SUN1: variants seen among roughly 807,000 people sequenced by gnomAD.
SUN1 encodes Sad1 and UNC84 domain containing 1.
A neutral mutation model predicts 103.2 loss-of-function variants in SUN1; 61 were observed. The ratio of observed to expected loss-of-function variants is 0.59; its 90% CI spans 0.48 to 0.73. The LOEUF is 0.73. Among genes scored for constraint, SUN1 ranks in the 30% least tolerant of loss-of-function variants. The pLI is 0.00. For missense variants in SUN1, 1,052 were observed against 1,034.6 expected, an observed-to-expected ratio of 1.02 and a Z score of -0.23; for synonymous variants, 490 against 425.7, an observed-to-expected ratio of 1.15 and a Z score of -1.86.
intron 1 of SUN1, among the ~76,000 whole-genome samples, chr7:819,403 T>G (rs1383605308): frequency 6.6e-6 from 1 of 152,198 alleles, no homozygotes; most frequent in Non-Finnish European, 1.5e-5. Flanking sequence ...ATGTCATACC[T>G]AAGAACTCTG....
rs923598582 is a variant in SUN1 at position 873,404 on chromosome 7, C to T, written c.*73C>T. The T allele has an allele frequency of 6.0e-6, 8 of 1,333,922 alleles. No individual in the cohort carries two copies. Among genetic ancestry groups the T allele is most frequent in the Non-Finnish European group, 6.4e-6 (6 of 930,270 alleles). The allele number at this position is 1,333,922 out of a possible 1,614,324, so 82.6% of individuals were successfully genotyped here. A position where few individuals can be genotyped will look rare whatever the true frequency, so the allele number is the denominator to read the frequency against. On this transcript the variant is annotated 3_prime_UTR_variant, in exon 19 of 19. Coordinates refer to ENST00000401592, the MANE Select transcript of SUN1 (RefSeq NM_001130965.3). ...GTGAAACACTGGAATCCTTCATGGACGAGGGCATATACAATGATGGGACAG... is the reference window on the plus strand; with the variant it reads ...GTGAAACACTGGAATCCTTCATGGATGAGGGCATATACAATGATGGGACAG...
chr7:874,754 T>C lies in SUN1; in HGVS notation c.*1423T>C, dbSNP rs1195365267. The C allele has an allele frequency of 6.6e-6, 1 of 152,262 alleles. No homozygotes were observed. The highest frequency in any genetic ancestry group is 1.5e-5 in the Non-Finnish European group (1 of 68,044). The allele number at this position is 152,262 out of a possible 1,614,324, so 9.4% of individuals were successfully genotyped here. A position where few individuals can be genotyped will look rare whatever the true frequency, so the allele number is the denominator to read the frequency against. On this transcript the variant is annotated 3_prime_UTR_variant, in exon 19 of 19. Coordinates refer to ENST00000401592, the MANE Select transcript of SUN1 (RefSeq NM_001130965.3). ...TGGAAATATTTTGAATATTAATTTA[T>C]TTTTAAAGATGCAAGATAGGACTTT... is the stretch of plus-strand genomic sequence containing the variant.
intron 2 of SUN1, 124 bp downstream of exon 2, chr7:839,110 T>G (rs1019898631): frequency 3.4e-5 from 32 of 940,388 alleles, no homozygotes; most frequent in Non-Finnish European, 4.7e-5. Context: ...TGTATGTGCG[T>G]GTACAGACAC....
chr7:863,292 G>GCGCGC (rs1562793784), intron 15 of SUN1, among the ~76,000 whole-genome samples: 2 of 149,466 alleles, frequency 1.3e-5, no homozygotes, highest in Non-Finnish European at 3.0e-5. Context: ...GCCCTCCCGA[G>GCGCGC]CTCGCCCTTG....
intron 14 of SUN1, 66 bp downstream of exon 14, chr7:860,448 C>T (rs1831306169): frequency 6.3e-7 from 1 of 1,580,874 alleles, no homozygotes; most frequent in East Asian, 2.2e-5. Flanking sequence ...GAAGACCTAG[C>T]TGTGAGGTGT....
chr7:819,192 CTTTTT>C (rs57527104), intron 1 of SUN1, among the ~76,000 whole-genome samples: 1 of 138,774 alleles, frequency 7.2e-6, no homozygotes, highest in African/African-American at 2.7e-5. Flanking sequence ...TGGGTTGCCT[CTTTTT>C]TTTTTTTTTT....
chr7:868,134 C>T (rs2128532903), intron 16 of SUN1, among the ~76,000 whole-genome samples: 1 of 152,332 alleles, frequency 6.6e-6, no homozygotes, highest in East Asian at 1.9e-4. Context: ...CATCGTTCAC[C>T]ATCTCTTCTA....
intron 5 of SUN1, chr7:849,897 C>G: frequency 6.3e-7 from 1 of 1,580,688 alleles, no homozygotes; most frequent in Non-Finnish European, 8.6e-7. Flanking sequence ...ATCCGCCACA[C>G]TCACTGCCTG....
In SUN1 at chr7:868,949, G is replaced by A. The variant is rs112484929; in HGVS notation, c.1981-400G>A. On this transcript the variant is annotated intron_variant, in intron 16 of 18. Coordinates refer to ENST00000401592, the MANE Select transcript of SUN1 (RefSeq NM_001130965.3). Reference sequence around the variant, plus strand: ...TGGTTCCCTGTGGTGTTGGTCGGATGGGGGGACAGTGCTGGTTCCCTGTGG... The same window carrying A: ...TGGTTCCCTGTGGTGTTGGTCGGATAGGGGGACAGTGCTGGTTCCCTGTGG... 4.8e-5 allele frequency: 9 copies of A among 186,172 alleles called. 1 individual carries two copies. Among genetic ancestry groups the A allele is most frequent in the African/African-American group, 3.2e-4 (9 of 28,286 alleles). The allele number at this position is 186,172 out of a possible 1,614,324, so 11.5% of individuals were successfully genotyped here.
intron 13 of SUN1, among the ~76,000 whole-genome samples, chr7:858,866 T>G (rs999835507): frequency 1.3e-5 from 2 of 152,074 alleles, no homozygotes; most frequent in Admixed American, 6.6e-5. Flanking sequence ...AGAGAAAGCA[T>G]GCGATAGGCC....
At chr7:830,961 C>T, upstream of SUN1, 13 of 985,528 alleles carry the variant, frequency 1.3e-5, no homozygotes, top group Non-Finnish European at 1.6e-5. Flanking sequence ...GGAGCCCAGG[C>T]ATGGTGTATA....
intron 17 of SUN1, among the ~76,000 whole-genome samples, chr7:870,215 A>AC (rs1840491757): frequency 6.6e-6 from 1 of 151,002 alleles, no homozygotes; most frequent in South Asian, 2.1e-4. Context: ...TAAAAAAAAA[A>AC]AAAAAAAATT....
At chr7:834,983 G>C (rs1198178762) in intron 1 of SUN1, among the ~76,000 whole-genome samples, 1 of 152,232 alleles carries the variant, frequency 6.6e-6, no homozygotes, top group Non-Finnish European at 1.5e-5. Flanking sequence ...GGCTGAGGCA[G>C]GAGAATCGCT....
At position 855,868 on chromosome 7, in the gene SUN1, G is replaced by C. The variant is rs117238317; in HGVS notation, c.1351-490G>C. ...GAGGGTCCGCGGGGCGCCTCCTCCT[G>C]TGTCCGCCCGAGAAGGTCTGTGGGG... On this transcript the variant is annotated intron_variant, in intron 11 of 18. Coordinates refer to ENST00000401592, the MANE Select transcript of SUN1 (RefSeq NM_001130965.3). Among the ~76,000 whole-genome samples, 1,403 of 151,872 alleles carry C rather than the reference G, an allele frequency of 9.2e-3. 117 individuals are homozygous for C. In the East Asian group the frequency reaches 0.19, roughly 21 times the overall value.
intron 13 of SUN1, among the ~76,000 whole-genome samples, chr7:858,595 G>A (rs1829660395): frequency 6.6e-6 from 1 of 152,150 alleles, no homozygotes; most frequent in Non-Finnish European, 1.5e-5. Flanking sequence ...CCTTTCATTA[G>A]ATAGACCCAC....
chr7:816,162 GGGCAGAGCCCTCCGCGA>G, upstream of SUN1: 1 of 304,880 alleles, frequency 3.3e-6, no homozygotes, highest in Admixed American at 5.2e-5. Context: ...CGTATCTGAG[GGGCAGAGCCCTCCGCGA>G]TGCAGACCCC....
At chr7:848,328 C>T (rs1028700648) in intron 5 of SUN1, 1 of 1,157,086 alleles carries the variant, frequency 8.6e-7, no homozygotes, top group African/African-American at 1.6e-5. Flanking sequence ...CTAAAAGTGC[C>T]TGAAATGAAT....
At chr7:865,116 C>T (rs2128491778) in intron 15 of SUN1, among the ~76,000 whole-genome samples, 1 of 152,162 alleles carries the variant, frequency 6.6e-6, no homozygotes, top group South Asian at 2.1e-4. Context: ...ACATAGTGAC[C>T]TCTGGTAGCC....
At chr7:830,617 G>GT (rs2128215615), upstream of SUN1, among the ~76,000 whole-genome samples, 1 of 152,310 alleles carries the variant, frequency 6.6e-6, no homozygotes, top group South Asian at 2.1e-4. Context: ...AACCTGGAGT[G>GT]TGACCTCTTT....
Sources: gnomAD v4.1 joint callset for allele counts (sites outside exome capture counted in the v4.1 genomes callset) on GRCh38, gnomAD v4.1.1 for gene constraint, MANE v1.5 for transcripts, NCBI Gene and HGNC (gene_info 2026-07-23, HGNC 2026-07-21) for gene names.